Variants in AMBP observed in about 807,000 individuals in gnomAD.
AMBP encodes protein AMBP.
A neutral mutation model predicts 46.3 loss-of-function variants in AMBP; 37 were observed. The observed-to-expected ratio is 0.80, with a 90% confidence interval of 0.61 to 1.05. The LOEUF (loss-of-function observed/expected upper bound fraction) is 1.05. Among genes scored for constraint, AMBP ranks in the 50% least tolerant of loss-of-function variants. The pLI, the probability that AMBP is intolerant of heterozygous loss-of-function variation, is 0.00. For synonymous variants in AMBP, 174 were observed against 175.9 expected (o/e 0.99, Z 0.09); for missense variants, 475 against 461.2 (o/e 1.03, Z -0.27).
intron 6 of AMBP, 90 bp from the exon 7 acceptor site, chr9:114,062,848 C>T: frequency 7.6e-7 from 1 of 1,319,986 alleles, no homozygotes. Flanking sequence ...GAACAACTTG[C>T]TTTGGGAATC....
chr9:114,073,979 A>G lies in AMBP; in HGVS notation c.454+57T>C. 1.9e-6 allele frequency: 3 copies of G among 1,538,988 alleles called. No homozygotes were observed. The South Asian group carries it at 3.4e-5, about 17-fold the overall frequency. On this transcript the variant is annotated intron_variant, in intron 4 of 9. Transcript: ENST00000265132. Reference sequence around the variant, plus strand: ...TGTGCTTACCCACTCCACTGTCCATAAATCAATGTCCTCCCACCCTTAACT... The same window carrying G: ...TGTGCTTACCCACTCCACTGTCCATGAATCAATGTCCTCCCACCCTTAACT...
rs552748418 is a variant in AMBP, at chr9:114,075,942, G to A, written c.260+656C>T. Among the ~76,000 whole-genome samples the A allele has an allele frequency of 1.8e-4, 27 of 152,294 alleles. No individual in the cohort carries two copies. The South Asian group carries it at 4.8e-3, about 27-fold the overall frequency. On this transcript the variant is annotated intron_variant, in intron 2 of 9. Coordinates refer to ENST00000265132, the MANE Select transcript of AMBP (RefSeq NM_001633.4). ...GTTCCAGAACTGAAAGCAGGTTCAC[G>A]TGAGTAGGACTCAGAGTACATAGCA...
intron 1 of AMBP, 38 bp downstream of exon 1, chr9:114,078,055 C>T (rs774011385): frequency 6.2e-7 from 1 of 1,606,660 alleles, no homozygotes; most frequent in Non-Finnish European, 8.5e-7. Flanking sequence ...GACTCCCCAT[C>T]ACCACATCCA....
chr9:114,062,557 A>G (rs1846650966), intron 7 of AMBP, 120 bp downstream of exon 7: 1 of 1,018,398 alleles, frequency 9.8e-7, no homozygotes, highest in Non-Finnish European at 1.5e-6. Flanking sequence ...TTCTCAGTCC[A>G]GCCCTTGAGT....
intron 3 of AMBP, among the ~76,000 whole-genome samples, chr9:114,074,437 T>A (rs1846782906): frequency 6.6e-6 from 1 of 152,222 alleles, no homozygotes; most frequent in Non-Finnish European, 1.5e-5. Flanking sequence ...ACTCCATCAA[T>A]TTACCTATTA....
In AMBP at chr9:114,072,884, G is replaced by A. The variant is rs376270484; in HGVS notation, c.556+41C>T. ...ATGGTCTCTGGCGCCCACAAGGGAC[G>A]AAGAGGGGACAGGAATTTGAGGCGG... is the stretch of plus-strand genomic sequence containing the variant. On this transcript the variant is annotated intron_variant, in intron 5 of 9. Transcript: ENST00000265132. The A allele has an allele frequency of 7.0e-5, 112 of 1,590,646 alleles. 1 individual carries two copies. The African/African-American group carries it at 1.1e-3, about 16-fold the overall frequency.
In AMBP at chr9:114,065,227, G is replaced by T. The variant is rs970876935; in HGVS notation, c.604-2469C>A. The stretch of plus-strand genomic sequence containing the variant: ...GAACCTCAGAATGTGACCTTATTTG[G>T]AAATCAGATTGTTCAGATGCAATTA... On this transcript the variant is annotated intron_variant, in intron 6 of 9. Transcript: ENST00000265132. 2.0e-4 allele frequency among the ~76,000 whole-genome samples: 30 copies of T among 152,188 alleles called. 3 individuals carry two copies. The highest frequency in any genetic ancestry group is 1.8e-3 in the Admixed American group (28 of 15,282).
At position 114,060,261 on chromosome 9, in the gene AMBP, T is replaced by A. The variant is rs753777132; in HGVS notation, c.1037A>T (p.Glu346Val). ...TTGTCAGTTGGAGAAGCGCAGCAGC[T>A]CCTCATCACCTGTGGACACAGAGAG... ...YCGVPGDGDE[E>V]LLRFSN Residue 346 changes from glutamate (E) to valine (V), a missense_variant, in exon 10 of 10, where the codon GAG becomes GTG. Coordinates refer to ENST00000265132, the MANE Select transcript of AMBP (RefSeq NM_001633.4). 2 of 1,613,190 alleles carry A rather than the reference T, an allele frequency of 1.2e-6. No individual in the cohort carries two copies.
At chr9:114,077,924 A>G (rs2251680) in intron 1 of AMBP, among the ~76,000 whole-genome samples, 169 bp downstream of exon 1, 63,119 of 151,990 alleles carry the variant, frequency 0.42, 14,333 homozygotes, top group Middle Eastern at 0.54. Flanking sequence ...CAGCCAAGAG[A>G]CCCACGGAAT....
intron 8 of AMBP, 40 bp from the exon 9 acceptor site, chr9:114,061,138 G>C (rs752303896): frequency 1.2e-6 from 2 of 1,605,084 alleles, no homozygotes; most frequent in Non-Finnish European, 1.7e-6. Flanking sequence ...AGAAACCCTT[G>C]TGACTGCTGA....
intron 4 of AMBP, 140 bp downstream of exon 4, chr9:114,073,896 C>T (rs1037775630): frequency 1.3e-6 from 1 of 766,438 alleles, no homozygotes; most frequent in African/African-American, 1.7e-5. Flanking sequence ...CAGGGAGACT[C>T]AGTGATTGTA....
At chr9:114,065,921 G>C (rs1267710042) in intron 6 of AMBP, among the ~76,000 whole-genome samples, 1 of 152,186 alleles carries the variant, frequency 6.6e-6, no homozygotes, top group Non-Finnish European at 1.5e-5. Flanking sequence ...ATAAGAGAAA[G>C]AGCCCAGCTG....
In AMBP at chr9:114,073,042, A is replaced by G. The variant is rs148401072; in HGVS notation, c.455-16T>C. The G allele has an allele frequency of 3.5e-5, 56 of 1,608,948 alleles. No homozygotes were observed. In the East Asian group the frequency reaches 1.2e-3, roughly 35 times the overall value. ...GGCGCCCGCCCTGCAAGGAGGAAGC[A>G]GAGGAGACGCCTAGAACCACCAGGT... is the stretch of plus-strand genomic sequence containing the variant. On this transcript the variant is annotated splice_polypyrimidine_tract_variant and intron_variant, in intron 4 of 9. Transcript: ENST00000265132.
intron 6 of AMBP, among the ~76,000 whole-genome samples, chr9:114,063,048 A>AAAG (rs34246861): frequency 0.24 from 36,226 of 151,980 alleles, 4,471 homozygotes; most frequent in Middle Eastern, 0.34. Context: ...AGTAATGAAA[A>AAAG]GGTACCTCCC....
chr9:114,077,250 G>A (rs1015375485), intron 1 of AMBP, among the ~76,000 whole-genome samples: 5 of 152,318 alleles, frequency 3.3e-5, no homozygotes, highest in African/African-American at 4.8e-5. Context: ...AGGCTCCTAC[G>A]GAACAGGCCA....
chr9:114,062,809 G>C (rs778228496), intron 6 of AMBP, 51 bp from the exon 7 acceptor site: 1 of 1,551,568 alleles, frequency 6.4e-7, no homozygotes, highest in Admixed American at 1.7e-5. Flanking sequence ...TGCCGCTATT[G>C]CTTTCCTGTA....
intron 7 of AMBP, among the ~76,000 whole-genome samples, chr9:114,062,148 G>C (rs1418830318): frequency 6.6e-6 from 1 of 152,132 alleles, no homozygotes. Context: ...CTACTCCCTT[G>C]GATGCCTTCC....
chr9:114,074,601 C>T (rs1846784710), intron 3 of AMBP, among the ~76,000 whole-genome samples: 5 of 152,224 alleles, frequency 3.3e-5, no homozygotes. Context: ...TCTGAACTAA[C>T]AAATAAATTA....
intron 7 of AMBP, 111 bp from the exon 8 acceptor site, chr9:114,061,702 A>G (rs1846641066): frequency 2.3e-6 from 3 of 1,294,784 alleles, no homozygotes; most frequent in Non-Finnish European, 3.1e-6. Context: ...AGGATTATCA[A>G]TTCTTTTTAG....
Sources: gnomAD v4.1 joint callset for allele counts (sites outside exome capture counted in the v4.1 genomes callset) on GRCh38, gnomAD v4.1.1 for gene constraint, MANE v1.5 for transcripts, NCBI Gene and HGNC (gene_info 2026-07-23, HGNC 2026-07-21) for gene names.